Variants in DCC observed in about 807,000 individuals in gnomAD.
DCC encodes netrin receptor DCC.
In DCC, 58 loss-of-function variants were observed where a neutral mutation model predicts 172.5. The observed-to-expected ratio is 0.34, with a 90% CI of 0.27 to 0.42. The LOEUF (loss-of-function observed/expected upper bound fraction) is 0.42, where lower values mean the gene tolerates loss of function less well. Among genes scored for constraint, DCC ranks in the 10% least tolerant of loss-of-function variants. The pLI is 1.00. For synonymous variants in DCC, 709 were observed against 644.5 expected, an observed-to-expected ratio of 1.10 and a Z score of -1.52; for missense variants, 1,740 against 1,791.0, an observed-to-expected ratio of 0.97 and a Z score of 0.51.
intron 15 of DCC, among the ~76,000 whole-genome samples, chr18:53,371,502 G>C (rs2058059721): frequency 6.6e-6 from 1 of 151,918 alleles, no homozygotes; most frequent in South Asian, 2.1e-4. Context: ...AAGTGGTAAA[G>C]AAAAAATGTT....
intron 27 of DCC, among the ~76,000 whole-genome samples, chr18:53,513,776 A>C (rs1230648962): frequency 6.7e-6 from 1 of 149,730 alleles, no homozygotes; most frequent in African/African-American, 2.5e-5. Context: ...TCCTAAATAT[A>C]TATGCACCCA....
intron 5 of DCC, among the ~76,000 whole-genome samples, chr18:53,014,227 T>C (rs1375971864): frequency 6.6e-6 from 1 of 152,172 alleles, no homozygotes; most frequent in African/African-American, 2.4e-5. Context: ...AGGTAAGCTA[T>C]TGTGATTTCT....
intron 1 of DCC, among the ~76,000 whole-genome samples, chr18:52,740,214 A>G (rs2036797741): frequency 6.6e-6 from 1 of 152,122 alleles, no homozygotes; most frequent in Non-Finnish European, 1.5e-5. Context: ...CCCCCATGGA[A>G]CTTAAGTCAC....
intron 1 of DCC, among the ~76,000 whole-genome samples, chr18:52,528,962 C>G (rs985336827): frequency 6.6e-6 from 1 of 152,074 alleles, no homozygotes; most frequent in Non-Finnish European, 1.5e-5. Flanking sequence ...CAAGTTGATA[C>G]AAATGACAAA....
intron 1 of DCC, among the ~76,000 whole-genome samples, chr18:52,642,482 T>G (rs1208049192): frequency 6.6e-6 from 1 of 152,156 alleles, no homozygotes; most frequent in Non-Finnish European, 1.5e-5. Flanking sequence ...ATAAAAATGT[T>G]GTTTTTAAAA....
intron 5 of DCC, among the ~76,000 whole-genome samples, chr18:53,045,260 C>T (rs894455806): frequency 2.6e-5 from 4 of 151,820 alleles, no homozygotes; most frequent in Non-Finnish European, 5.9e-5. Flanking sequence ...TTCTTTCCAA[C>T]CCTTTCCAAT....
At chr18:53,149,091 G>A (rs897648277) in intron 7 of DCC, among the ~76,000 whole-genome samples, 1 of 151,830 alleles carries the variant, frequency 6.6e-6, no homozygotes, top group African/African-American at 2.4e-5. Context: ...TTGAACTCCT[G>A]ACCTCGTGAT....
intron 5 of DCC, among the ~76,000 whole-genome samples, chr18:53,045,991 A>G (rs2042232810): frequency 6.6e-6 from 1 of 151,790 alleles, no homozygotes; most frequent in Non-Finnish European, 1.5e-5. Context: ...TTTCACACAT[A>G]CAAATGCTTT....
chr18:52,477,014 G>A (rs1989113721), intron 1 of DCC, among the ~76,000 whole-genome samples: 2 of 152,096 alleles, frequency 1.3e-5, no homozygotes, highest in African/African-American at 4.8e-5. Flanking sequence ...GGGAAAGACC[G>A]CCAGCATCTT....
intron 17 of DCC, among the ~76,000 whole-genome samples, chr18:53,393,918 T>TCTCTCTCTCTCTCTCTCTCTCTCC (rs1206586156): frequency 6.6e-5 from 10 of 151,738 alleles, no homozygotes; most frequent in African/African-American, 2.4e-4. Flanking sequence ...TCTCTCCCTC[T>TCTCTCTCTCTCTCTCTCTCTCTCC]CTCCCTCCCT....
At chr18:52,890,995 A>T (rs2039641795) in intron 2 of DCC, among the ~76,000 whole-genome samples, 1 of 152,128 alleles carries the variant, frequency 6.6e-6, no homozygotes, top group African/African-American at 2.4e-5. Context: ...TTTGGGAACC[A>T]GAGTTCTATC....
intron 7 of DCC, among the ~76,000 whole-genome samples, chr18:53,086,655 G>A (rs544456765): frequency 1.1e-5 from 1 of 90,292 alleles, no homozygotes; most frequent in South Asian, 3.2e-4. Context: ...TAATGTGCAG[G>A]TTAGTTACAT....
At chr18:53,019,120 A>G (rs2041846276) in intron 5 of DCC, among the ~76,000 whole-genome samples, 1 of 152,174 alleles carries the variant, frequency 6.6e-6, no homozygotes, top group Admixed American at 6.5e-5. Flanking sequence ...TTATTTTAAC[A>G]ATTATCATTT....
intron 1 of DCC, among the ~76,000 whole-genome samples, chr18:52,409,812 A>T (rs1986783589): frequency 6.6e-6 from 1 of 152,178 alleles, no homozygotes; most frequent in Admixed American, 6.6e-5. Context: ...GGAGATTGTC[A>T]GGTAGGAAGG....
intron 2 of DCC, among the ~76,000 whole-genome samples, chr18:52,893,449 C>T (rs1424647199): frequency 6.6e-6 from 1 of 152,168 alleles, no homozygotes; most frequent in East Asian, 1.9e-4. Flanking sequence ...ATCATTTAAT[C>T]CTTTGGGTAA....
rs1910787004 is a variant in DCC, at chr18:53,424,309, A to G, written c.3163+8153A>G. On this transcript the variant is annotated intron_variant, in intron 21 of 28. Coordinates refer to ENST00000442544, the MANE Select transcript of DCC (RefSeq NM_005215.4). The stretch of plus-strand genomic sequence containing the variant: ...GGCTATGAAGTATGAAAAGAACTAG[A>G]CTCACTTTTGATAACTTGTGGATTA... Among the ~76,000 whole-genome samples the G allele has an allele frequency of 3.3e-5, 5 of 152,244 alleles. No individual in the cohort carries two copies. The South Asian group carries it at 1.0e-3, about 32-fold the overall frequency.
At chr18:52,972,366 T>G (rs535548239) in intron 5 of DCC, among the ~76,000 whole-genome samples, 38 of 152,230 alleles carry the variant, frequency 2.5e-4, no homozygotes, top group African/African-American at 8.2e-4. Context: ...AAGCTAAAAT[T>G]TTCTTAGCCT....
intron 5 of DCC, among the ~76,000 whole-genome samples, chr18:52,992,749 G>A (rs762598904): frequency 2.0e-5 from 3 of 152,108 alleles, no homozygotes; most frequent in Non-Finnish European, 2.9e-5. Flanking sequence ...GCCAAGGTGG[G>A]TGGATTGCTT....
At chr18:52,345,257 A>G (rs1337515067) in intron 1 of DCC, among the ~76,000 whole-genome samples, 1 of 152,228 alleles carries the variant, frequency 6.6e-6, no homozygotes, top group African/African-American at 2.4e-5. Context: ...TAATTGATTG[A>G]TTAACTAAGG....
Sources: allele counts gnomAD v4.1 joint callset (sites outside exome capture counted in the v4.1 genomes callset), GRCh38; gene constraint gnomAD v4.1.1; transcripts MANE v1.5; gene names NCBI Gene and HGNC (gene_info 2026-07-23, HGNC 2026-07-21).